The following SCAPER variants were observed in gnomAD, a reference collection of about 807,000 sequenced individuals.
The protein encoded by SCAPER is S-phase cyclin A associated protein in the ER, also known as S phase cyclin A-associated protein in the endoplasmic reticulum.
A neutral mutation model predicts 182.2 loss-of-function variants in SCAPER; 98 were observed. The observed-to-expected ratio is 0.54, with a 90% CI of 0.46 to 0.64. The LOEUF is 0.64. Ranked by LOEUF, SCAPER falls within the 30% of genes least tolerant of loss-of-function variation. SCAPER has a pLI of 0.00. For missense variants in SCAPER, 1,432 were observed against 1,690.0 expected, an observed-to-expected ratio of 0.85 and a Z score of 2.68; for synonymous variants, 605 against 564.6, an observed-to-expected ratio of 1.07 and a Z score of -1.01.
chr15:76,749,618 C>T (rs1046866012), intron 15 of SCAPER, among the ~76,000 whole-genome samples: 2 of 152,000 alleles, frequency 1.3e-5, no homozygotes, highest in African/African-American at 4.8e-5. Flanking sequence ...AACTGCATTG[C>T]TATGTATTAG....
In SCAPER at chr15:76,601,935, C is replaced by T. The variant is rs1189985801; in HGVS notation, c.2711+19829G>A. Among the ~76,000 whole-genome samples, 2 of 120,774 alleles carry T rather than the reference C, an allele frequency of 1.7e-5. 1 individual carries two copies. Among genetic ancestry groups the T allele is most frequent in the African/African-American group, 5.1e-5 (2 of 39,598 alleles). The allele number at this position is 120,774 out of a possible 152,430, so 79.2% of individuals were successfully genotyped here. A position where few individuals can be genotyped will look rare whatever the true frequency, so the allele number is the denominator to read the frequency against. ...GCACATATTCAAGTCCTGCAGTCGG[C>T]CCCTTGGAATCTGCAAATACGAAAA... On this transcript the variant is annotated intron_variant, in intron 22 of 31. Transcript: ENST00000563290.
chr15:76,431,266 G>C (rs943707622), intron 26 of SCAPER, among the ~76,000 whole-genome samples: 1 of 149,158 alleles, frequency 6.7e-6, no homozygotes, highest in Non-Finnish European at 1.5e-5. Context: ...AGTTGGATAT[G>C]CTGTAAAAGT....
intron 23 of SCAPER, among the ~76,000 whole-genome samples, chr15:76,540,530 ATTTT>A (rs1194554519): frequency 6.6e-6 from 1 of 152,066 alleles, no homozygotes; most frequent in South Asian, 2.1e-4. Context: ...CTATATTTTT[ATTTT>A]TTTAATAAAA....
At chr15:76,612,403 AT>A (rs2051085608) in intron 22 of SCAPER, among the ~76,000 whole-genome samples, 1 of 152,100 alleles carries the variant, frequency 6.6e-6, no homozygotes, top group East Asian at 1.9e-4. Flanking sequence ...TGTCTGGCTA[AT>A]TTTTTTGTAT....
chr15:76,852,143 T>C (rs1236596967), intron 4 of SCAPER, among the ~76,000 whole-genome samples: 1 of 152,102 alleles, frequency 6.6e-6, no homozygotes, highest in Non-Finnish European at 1.5e-5. Context: ...GACCTAACTA[T>C]ACTAAATATA....
intron 24 of SCAPER, among the ~76,000 whole-genome samples, chr15:76,500,875 A>C (rs1477050903): frequency 6.6e-6 from 1 of 151,916 alleles, no homozygotes; most frequent in East Asian, 1.9e-4. Flanking sequence ...CCCTGTCTCT[A>C]CTAAAAATAC....
chr15:76,824,332 C>T (rs1205899381), intron 5 of SCAPER, among the ~76,000 whole-genome samples: 1 of 152,188 alleles, frequency 6.6e-6, no homozygotes, highest in East Asian at 1.9e-4. Flanking sequence ...TAGTTACTGG[C>T]GCACAGAGCA....
intron 24 of SCAPER, among the ~76,000 whole-genome samples, chr15:76,487,100 C>G (rs1239826150): frequency 1.3e-5 from 2 of 152,146 alleles, no homozygotes; most frequent in South Asian, 4.1e-4. Context: ...TCAAATACCA[C>G]ATATTCTCAC....
intron 23 of SCAPER, among the ~76,000 whole-genome samples, chr15:76,533,025 A>C (rs896644986): frequency 6.6e-6 from 1 of 152,264 alleles, no homozygotes; most frequent in Non-Finnish European, 1.5e-5. Flanking sequence ...AGGCAAAACA[A>C]TAAGTAATTA....
chr15:76,415,334 T>C (rs181426187), intron 26 of SCAPER, among the ~76,000 whole-genome samples: 1 of 152,286 alleles, frequency 6.6e-6, no homozygotes, highest in East Asian at 1.9e-4. Flanking sequence ...GAACATGCAT[T>C]TATTATATCA....
intron 25 of SCAPER, among the ~76,000 whole-genome samples, chr15:76,456,122 A>G (rs1306715381): frequency 2.0e-5 from 3 of 152,194 alleles, no homozygotes; most frequent in Admixed American, 6.5e-5. Context: ...TAGTGCTTCA[A>G]TAAACATATG....
intron 25 of SCAPER, among the ~76,000 whole-genome samples, chr15:76,458,302 G>A (rs1201324437): frequency 6.6e-6 from 1 of 151,878 alleles, no homozygotes; most frequent in Non-Finnish European, 1.5e-5. Context: ...GGGAAAGAGA[G>A]AGAGAAAAAT....
intron 20 of SCAPER, among the ~76,000 whole-genome samples, chr15:76,685,721 G>C (rs2058001301): frequency 6.6e-6 from 1 of 152,054 alleles, no homozygotes; most frequent in Admixed American, 6.5e-5. Flanking sequence ...ATAAGGATGA[G>C]TAAAAGGACA....
chr15:76,839,243 G>A (rs2151760579), intron 5 of SCAPER, among the ~76,000 whole-genome samples: 1 of 152,282 alleles, frequency 6.6e-6, no homozygotes, highest in South Asian at 2.1e-4. Flanking sequence ...TTTTACATAT[G>A]AGACACAGAA....
intron 31 of SCAPER, 129 bp downstream of exon 31, chr15:76,351,108 T>C (rs2040513882): frequency 1.4e-6 from 1 of 703,022 alleles, no homozygotes; most frequent in Non-Finnish European, 2.2e-6. Context: ...ATACTTGGTA[T>C]CTGAATCTCA....
chr15:76,647,582 G>C (rs2054650556), intron 21 of SCAPER, among the ~76,000 whole-genome samples: 3 of 152,188 alleles, frequency 2.0e-5, no homozygotes, highest in African/African-American at 7.2e-5. Flanking sequence ...AATTTGTGGG[G>C]CAGAGTAGCA....
intron 24 of SCAPER, among the ~76,000 whole-genome samples, chr15:76,485,378 C>G (rs1226492812): frequency 1.3e-5 from 2 of 152,048 alleles, no homozygotes; most frequent in African/African-American, 4.8e-5. Context: ...CTTAAAGAAA[C>G]CAAAGATGAC....
intron 29 of SCAPER, among the ~76,000 whole-genome samples, chr15:76,361,404 A>G (rs373063805): frequency 1.3e-5 from 2 of 152,222 alleles, no homozygotes; most frequent in East Asian, 3.8e-4. Flanking sequence ...AACAAATCAG[A>G]GACATTCTTG....
At chr15:76,674,230 C>T (rs1301311527) in intron 20 of SCAPER, among the ~76,000 whole-genome samples, 1 of 152,046 alleles carries the variant, frequency 6.6e-6, no homozygotes, top group African/African-American at 2.4e-5. Flanking sequence ...GCGTCAATAG[C>T]TGATACGTCA....
Sources: allele counts gnomAD v4.1 joint callset (sites outside exome capture counted in the v4.1 genomes callset), GRCh38; gene constraint gnomAD v4.1.1; transcripts MANE v1.5; gene names NCBI Gene and HGNC (gene_info 2026-07-23, HGNC 2026-07-21).